Variants in ZNF385D observed in about 807,000 individuals in gnomAD.
The protein encoded by ZNF385D is zinc finger protein 659.
Under a neutral mutation model 35.8 loss-of-function variants are expected in ZNF385D, and 15 were observed. The ratio of observed to expected loss-of-function variants is 0.42; its 90% CI spans 0.28 to 0.64. ZNF385D has a LOEUF of 0.64. Ranked by LOEUF, ZNF385D falls within the 30% of genes least tolerant of loss-of-function variation. The probability of loss-of-function intolerance (pLI) is 0.23; values close to 1 mark genes in which losing one functional copy is unlikely to be tolerated. For synonymous variants in ZNF385D, 212 were observed against 186.8 expected (o/e 1.13, Z -1.10); for missense variants, 474 against 494.6 (o/e 0.96, Z 0.39).
chr3:21,705,397 T>C lies in ZNF385D; in HGVS notation c.23-40369A>G, dbSNP rs545519713. Among the ~76,000 whole-genome samples the C allele has an allele frequency of 1.2e-4, 19 of 152,352 alleles. No individual in the cohort carries two copies. In the South Asian group the frequency reaches 3.7e-3, roughly 30 times the overall value. ...CTCCTATATTTATATTTTTAAAGAATGTTTTCTTATAGAAGTCCCAAAGAG... is the reference window on the plus strand; with the variant it reads ...CTCCTATATTTATATTTTTAAAGAACGTTTTCTTATAGAAGTCCCAAAGAG... On this transcript the variant is annotated intron_variant, in intron 1 of 7. Transcript: ENST00000281523.
chr3:21,753,688 T>C (rs1399622157), upstream of ZNF385D, among the ~76,000 whole-genome samples: 1 of 152,258 alleles, frequency 6.6e-6, no homozygotes, highest in Non-Finnish European at 1.5e-5. Context: ...ATGTTTGTTT[T>C]AATTGTATAC....
intron 3 of ZNF385D, among the ~76,000 whole-genome samples, chr3:21,907,053 C>T (rs1307823118): frequency 6.6e-6 from 1 of 152,152 alleles, no homozygotes; most frequent in African/African-American, 2.4e-5. Flanking sequence ...GCTGGTAATT[C>T]AGCCTTTGTA....
chr3:21,470,146 T>C (rs192153126), intron 4 of ZNF385D, among the ~76,000 whole-genome samples: 1 of 152,350 alleles, frequency 6.6e-6, no homozygotes, highest in East Asian at 1.9e-4. Flanking sequence ...GAACCCATTA[T>C]GTACCTTTTT....
upstream of ZNF385D, among the ~76,000 whole-genome samples, chr3:21,754,715 C>T (rs1354796436): frequency 2.6e-5 from 4 of 152,074 alleles, no homozygotes; most frequent in Non-Finnish European, 2.9e-5. Context: ...TCATCTGACA[C>T]ACTATTTTAG....
Position 22,133,472 on chromosome 3 carries a change from A to C in ZNF385D, c.325+35345T>G, listed in dbSNP as rs12629964. On this transcript the variant is annotated intron_variant, in intron 3 of 5. Coordinates refer to the ZNF385D transcript ENST00000494108. ...TAACAGACATATCAAAAAAACTGCT[A>C]TAATTGTATGCTAGAATACAGCATT... 7 of 152,156 alleles carry C rather than the reference A, an allele frequency of 4.6e-5. No individual in the cohort carries two copies. In the East Asian group the frequency reaches 1.2e-3, roughly 25 times the overall value. The allele number at this position is 152,156 out of a possible 1,614,324, so 9.4% of individuals were successfully genotyped here.
At chr3:22,310,061 A>C (rs955560977) in intron 2 of ZNF385D, among the ~76,000 whole-genome samples, 1 of 151,900 alleles carries the variant, frequency 6.6e-6, no homozygotes, top group Non-Finnish European at 1.5e-5. Context: ...CAGAAATAAG[A>C]CCTCCAATAA....
chr3:22,083,871 A>C (rs1023324687), intron 3 of ZNF385D, among the ~76,000 whole-genome samples: 2 of 152,242 alleles, frequency 1.3e-5, no homozygotes, highest in Admixed American at 1.3e-4. Flanking sequence ...CCATCAGACT[A>C]ACAGCTGATC....
chr3:21,879,728 C>T (rs1048004880), intron 3 of ZNF385D, among the ~76,000 whole-genome samples: 15 of 152,110 alleles, frequency 9.9e-5, no homozygotes, highest in African/African-American at 3.1e-4. Context: ...TTGAAAAGGG[C>T]ACCAGAGAGT....
chr3:22,346,042 C>T (rs1181224615), intron 2 of ZNF385D, among the ~76,000 whole-genome samples: 1 of 152,174 alleles, frequency 6.6e-6, no homozygotes, highest in Non-Finnish European at 1.5e-5. Context: ...CTCATCTCCT[C>T]ATGGGGTGTG....
intron 1 of ZNF385D, among the ~76,000 whole-genome samples, chr3:21,686,908 C>T (rs763425523): frequency 1.3e-5 from 2 of 152,174 alleles, no homozygotes; most frequent in Non-Finnish European, 2.9e-5. Flanking sequence ...GCCACTAGTA[C>T]TTGCTGGTTC....
intron 3 of ZNF385D, among the ~76,000 whole-genome samples, chr3:21,843,344 A>G (rs750356987): frequency 3.3e-5 from 5 of 151,986 alleles, no homozygotes; most frequent in African/African-American, 4.8e-5. Context: ...AAGGTCACCA[A>G]TGTGACATTA....
intron 4 of ZNF385D, among the ~76,000 whole-genome samples, chr3:21,486,562 T>C (rs1705044714): frequency 6.6e-6 from 1 of 152,184 alleles, no homozygotes; most frequent in Non-Finnish European, 1.5e-5. Context: ...TTTGTGGTTT[T>C]GCAACAACAA....
At chr3:21,634,304 A>AAGGGAAGGGAGAAAGGAAAGAGG (rs1404622246) in intron 2 of ZNF385D, among the ~76,000 whole-genome samples, 1 of 150,430 alleles carries the variant, frequency 6.6e-6, no homozygotes, top group Non-Finnish European at 1.5e-5. Flanking sequence ...AAAGGAGAGG[A>AAGGGAAGGGAGAAAGGAAAGAGG]AGGGAAGGGA....
intron 2 of ZNF385D, among the ~76,000 whole-genome samples, chr3:22,278,003 C>T (rs1470463715): frequency 1.3e-5 from 2 of 152,110 alleles, no homozygotes; most frequent in Non-Finnish European, 2.9e-5. Context: ...CTCCTACTTT[C>T]AGTGCTCTCC....
chr3:22,015,115 ATAAT>A (rs1312795035), intron 3 of ZNF385D, among the ~76,000 whole-genome samples: 1 of 152,122 alleles, frequency 6.6e-6, no homozygotes, highest in Non-Finnish European at 1.5e-5. Flanking sequence ...ACCTAAGCAA[ATAAT>A]TAATAGAATA....
rs541253319 is a variant in ZNF385D, at chr3:22,246,836, C to G, written c.107-77801G>C. On this transcript the variant is annotated intron_variant, in intron 2 of 5. Transcript: ENST00000494108. ...TTTCCCTAATAACGGCTCTCCTTCCCTAGAAATTCTGATTCTAATTACCAA... is the reference window on the plus strand; with the variant it reads ...TTTCCCTAATAACGGCTCTCCTTCCGTAGAAATTCTGATTCTAATTACCAA... Among the ~76,000 whole-genome samples, 33 of 152,260 alleles carry G rather than the reference C, an allele frequency of 2.2e-4. 1 individual carries two copies. The South Asian group carries it at 6.4e-3, about 30-fold the overall frequency.
chr3:22,347,473 G>A (rs1407584416), intron 2 of ZNF385D, among the ~76,000 whole-genome samples: 1 of 152,102 alleles, frequency 6.6e-6, no homozygotes. Context: ...AGTGGAAGCT[G>A]ACTCAATTTT....
intron 3 of ZNF385D, among the ~76,000 whole-genome samples, chr3:21,832,940 G>A (rs1695093179): frequency 6.6e-6 from 1 of 152,092 alleles, no homozygotes; most frequent in Admixed American, 6.6e-5. Context: ...AACTTTTTAT[G>A]AGAATATCTA....
chr3:21,572,959 T>TA (rs2063377777), intron 2 of ZNF385D, among the ~76,000 whole-genome samples: 1 of 148,498 alleles, frequency 6.7e-6, no homozygotes, highest in Non-Finnish European at 1.5e-5. Flanking sequence ...CTTTTTTTTT[T>TA]ACTCCATTTT....
Sources: allele counts gnomAD v4.1 joint callset (sites outside exome capture counted in the v4.1 genomes callset), GRCh38; gene constraint gnomAD v4.1.1; transcripts MANE v1.5; gene names NCBI Gene and HGNC (gene_info 2026-07-23, HGNC 2026-07-21).